PLCH1: variants seen among roughly 807,000 people sequenced by gnomAD.
The protein encoded by PLCH1 is 1-phosphatidylinositol 4,5-bisphosphate phosphodiesterase eta-1.
In PLCH1, 60 loss-of-function variants were observed where a neutral mutation model predicts 126.7. That is an observed-to-expected ratio of 0.47 (90% CI 0.38 to 0.59). The LOEUF (loss-of-function observed/expected upper bound fraction) is 0.59. Ranked by LOEUF, PLCH1 falls within the 20% of genes least tolerant of loss-of-function variation. PLCH1 has a pLI of 0.00. For missense variants in PLCH1, 1,723 were observed against 2,040.0 expected (o/e 0.84, Z 2.99); for synonymous variants, 719 against 734.9 (o/e 0.98, Z 0.35).
intron 10 of PLCH1, among the ~76,000 whole-genome samples, chr3:155,549,171 T>G (rs1475870246): frequency 6.6e-6 from 1 of 152,194 alleles, no homozygotes; most frequent in Non-Finnish European, 1.5e-5. Context: ...TTCTGGCTAT[T>G]CTTTGCATGA....
intron 10 of PLCH1, among the ~76,000 whole-genome samples, chr3:155,541,207 T>G (rs1332724435): frequency 6.6e-6 from 1 of 152,006 alleles, no homozygotes; most frequent in East Asian, 1.9e-4. Context: ...GGCACAAGAA[T>G]GATATAATAG....
intron 21 of PLCH1, among the ~76,000 whole-genome samples, chr3:155,462,193 T>TGGCTA (rs1474369603): frequency 1.3e-5 from 2 of 152,140 alleles, no homozygotes; most frequent in African/African-American, 4.8e-5. Flanking sequence ...GAGGTTGGGG[T>TGGCTA]TGTTGCTACC....
At chr3:155,662,211 G>A in intron 2 of PLCH1, among the ~76,000 whole-genome samples, 1 of 152,166 alleles carries the variant, frequency 6.6e-6, no homozygotes, top group East Asian at 1.9e-4. Context: ...CCAACACTTT[G>A]GGAGGCCAAG....
chr3:155,578,671 A>G (rs929187945), intron 6 of PLCH1, among the ~76,000 whole-genome samples: 1 of 152,248 alleles, frequency 6.6e-6, no homozygotes, highest in Non-Finnish European at 1.5e-5. Flanking sequence ...ATATCACACT[A>G]TGACAGACTT....
chr3:155,665,637 G>A (rs532071831), intron 2 of PLCH1, among the ~76,000 whole-genome samples: 20 of 152,298 alleles, frequency 1.3e-4, no homozygotes, highest in Admixed American at 2.6e-4. Flanking sequence ...AGAGGCTGGA[G>A]GCAGGGAGAC....
At chr3:155,642,363 A>G (rs1739498241) in intron 2 of PLCH1, among the ~76,000 whole-genome samples, 1 of 152,158 alleles carries the variant, frequency 6.6e-6, no homozygotes, top group Non-Finnish European at 1.5e-5. Context: ...ACTCTCCCAC[A>G]CTGTCTCCAC....
intron 2 of PLCH1, among the ~76,000 whole-genome samples, chr3:155,607,309 T>C (rs1734488179): frequency 6.6e-6 from 1 of 152,152 alleles, no homozygotes; most frequent in Non-Finnish European, 1.5e-5. Context: ...CTGTATGATA[T>C]TTATATAAAA....
intron 8 of PLCH1, among the ~76,000 whole-genome samples, chr3:155,562,008 C>A (rs1727699498): frequency 6.6e-6 from 1 of 152,180 alleles, no homozygotes; most frequent in South Asian, 2.1e-4. Flanking sequence ...TCTCAAACTC[C>A]TGACCTCAAG....
intron 21 of PLCH1, among the ~76,000 whole-genome samples, chr3:155,454,749 G>A (rs1416710606): frequency 6.6e-6 from 1 of 152,200 alleles, no homozygotes; most frequent in Non-Finnish European, 1.5e-5. Context: ...GGTTCAAGAT[G>A]TTGTTAGAAG....
At chr3:155,548,911 T>C (rs943670847) in intron 10 of PLCH1, among the ~76,000 whole-genome samples, 1 of 152,218 alleles carries the variant, frequency 6.6e-6, no homozygotes, top group African/African-American at 2.4e-5. Flanking sequence ...AAAGCCCCAG[T>C]TGAAGTCCTG....
chr3:155,724,184 G>A (rs1422634667), intron 1 of PLCH1, among the ~76,000 whole-genome samples: 2 of 152,102 alleles, frequency 1.3e-5, no homozygotes, highest in African/African-American at 4.8e-5. Flanking sequence ...CTTAAAGAAT[G>A]TCCTATGTGC....
intron 1 of PLCH1, among the ~76,000 whole-genome samples, chr3:155,724,352 A>G (rs1748159825): frequency 6.6e-6 from 1 of 152,108 alleles, no homozygotes; most frequent in South Asian, 2.1e-4. Context: ...ACAGTCCTCC[A>G]TTATTATTGT....
chr3:155,460,817 G>T (rs1712692819), intron 21 of PLCH1, among the ~76,000 whole-genome samples: 1 of 151,288 alleles, frequency 6.6e-6, no homozygotes, highest in Non-Finnish European at 1.5e-5. Flanking sequence ...TAGATAGATA[G>T]ATAGATAGAT....
chr3:155,623,084 A>T (rs1736730496), intron 2 of PLCH1, among the ~76,000 whole-genome samples: 1 of 152,338 alleles, frequency 6.6e-6, no homozygotes, highest in South Asian at 2.1e-4. Context: ...CAGTGCAATC[A>T]AATTAGAACT....
intron 1 of PLCH1, among the ~76,000 whole-genome samples, chr3:155,731,966 GACAA>G (rs1375655498): frequency 8.3e-6 from 1 of 119,954 alleles, no homozygotes; most frequent in Non-Finnish European, 1.6e-5. Flanking sequence ...CAGCCTGGGT[GACAA>G]ACAGAGACCC....
chr3:155,678,901 A>T (rs1392346815), intron 2 of PLCH1, among the ~76,000 whole-genome samples: 2 of 152,216 alleles, frequency 1.3e-5, no homozygotes, highest in African/African-American at 4.8e-5. Flanking sequence ...AATAAAAAAC[A>T]ATATTTCTGA....
At chr3:155,643,480 A>G (rs1406040400) in intron 2 of PLCH1, among the ~76,000 whole-genome samples, 1 of 152,228 alleles carries the variant, frequency 6.6e-6, no homozygotes, top group African/African-American at 2.4e-5. Context: ...ACTCACAGAA[A>G]CTATAAGTGA....
At chr3:155,531,852 G>A (rs922090149) in intron 10 of PLCH1, among the ~76,000 whole-genome samples, 2 of 152,162 alleles carry the variant, frequency 1.3e-5, no homozygotes, top group African/African-American at 2.4e-5. Context: ...CAAAATTTAA[G>A]AGAGTTGCTC....
intron 10 of PLCH1, among the ~76,000 whole-genome samples, chr3:155,533,503 G>T (rs1376302687): frequency 6.6e-6 from 1 of 152,210 alleles, no homozygotes; most frequent in African/African-American, 2.4e-5. Flanking sequence ...CTGAGATCAT[G>T]CCACTGCATT....
Sources: gnomAD v4.1 joint callset for allele counts (sites outside exome capture counted in the v4.1 genomes callset) on GRCh38, gnomAD v4.1.1 for gene constraint, MANE v1.5 for transcripts, NCBI Gene and HGNC (gene_info 2026-07-23, HGNC 2026-07-21) for gene names.